SIGLECL1: variants seen among roughly 807,000 people sequenced by gnomAD.
SIGLECL1 encodes SIGLEC family like 1.
In SIGLECL1, 16 loss-of-function variants were observed where a neutral mutation model predicts 19.1. The observed-to-expected ratio is 0.84, with a 90% CI of 0.57 to 1.27. SIGLECL1 has a LOEUF of 1.27. Among genes scored for constraint, SIGLECL1 ranks in the 50% most tolerant of loss-of-function variants. The probability of loss-of-function intolerance (pLI) is 0.00; values close to 1 mark genes in which losing one functional copy is unlikely to be tolerated. For synonymous variants in SIGLECL1, 89 were observed against 90.4 expected, an observed-to-expected ratio of 0.98 and a Z score of 0.09; for missense variants, 210 against 239.4, an observed-to-expected ratio of 0.88 and a Z score of 0.81.
At chr19:51,246,715 G>A (rs941090423), upstream of SIGLECL1, among the ~76,000 whole-genome samples, 1 of 151,990 alleles carries the variant, frequency 6.6e-6, no homozygotes, top group Admixed American at 6.6e-5. Flanking sequence ...TTCTTAACAG[G>A]ACCCGTTTAG....
upstream of SIGLECL1, among the ~76,000 whole-genome samples, chr19:51,249,795 T>G (rs118031234): frequency 6.6e-6 from 1 of 152,158 alleles, no homozygotes; most frequent in African/African-American, 2.4e-5. Flanking sequence ...GGCTATTCCA[T>G]AGAGTAACGT....
chr19:51,255,637 A>G (rs553799802), intron 1 of SIGLECL1, among the ~76,000 whole-genome samples: 1 of 152,228 alleles, frequency 6.6e-6, no homozygotes, highest in Non-Finnish European at 1.5e-5. Flanking sequence ...GGACCTGAAT[A>G]GGCATTTCAT....
intron 1 of SIGLECL1, among the ~76,000 whole-genome samples, chr19:51,252,245 C>CGT (rs1982535511): frequency 6.7e-6 from 1 of 149,604 alleles, no homozygotes; most frequent in Admixed American, 6.7e-5. Flanking sequence ...TGCAGTGAGC[C>CGT]AAGATCGTGC....
At chr19:51,261,088 C>A (rs1218738237) in intron 1 of SIGLECL1, among the ~76,000 whole-genome samples, 1 of 152,008 alleles carries the variant, frequency 6.6e-6, no homozygotes, top group Non-Finnish European at 1.5e-5. Context: ...TATTTTTGGA[C>A]TATGTTAGTA....
At chr19:51,254,797 A>G (rs1414219738) in intron 1 of SIGLECL1, among the ~76,000 whole-genome samples, 2 of 152,192 alleles carry the variant, frequency 1.3e-5, no homozygotes, top group East Asian at 1.9e-4. Context: ...AATTTATGGT[A>G]TATGAATTAT....
In SIGLECL1 at chr19:51,267,342, G is replaced by C. The variant is rs200295829; in HGVS notation, c.411-31G>C. The C allele has an allele frequency of 8.7e-6, 14 of 1,602,060 alleles. No homozygotes were observed. In the Admixed American group the frequency reaches 1.9e-4, roughly 21 times the overall value. ...ATTTGGGGATTCAGGGAGATGGAGA[G>C]CCAGAACCAATCCAAGGCTTATTTC... On this transcript the variant is annotated intron_variant, in intron 4 of 5. Coordinates refer to ENST00000601727, the MANE Select transcript of SIGLECL1 (RefSeq NM_001385465.1).
upstream of SIGLECL1, among the ~76,000 whole-genome samples, chr19:51,248,801 A>G (rs1982346688): frequency 6.6e-6 from 1 of 152,210 alleles, no homozygotes; most frequent in African/African-American, 2.4e-5. Context: ...TTAGAGGTCA[A>G]CTTGCAGTTT....
chr19:51,265,218 A>G lies in SIGLECL1; in HGVS notation c.23-150A>G, dbSNP rs1316543901. On this transcript the variant is annotated intron_variant, in intron 2 of 5. Coordinates refer to ENST00000601727, the MANE Select transcript of SIGLECL1 (RefSeq NM_001385465.1). ...AGATGAGGACAGAAGATAGAGGGGA[A>G]CTGGTCTGGGAGGCCTGAATCCTGT... 6.4e-6 allele frequency: 5 copies of G among 778,942 alleles called. No homozygotes were observed. In the African/African-American group the frequency reaches 8.7e-5, roughly 14 times the overall value. The allele number at this position is 778,942 out of a possible 1,614,324, so 48.3% of individuals were successfully genotyped here.
At chr19:51,249,126 G>A (rs1167228997), upstream of SIGLECL1, among the ~76,000 whole-genome samples, 1 of 152,090 alleles carries the variant, frequency 6.6e-6, no homozygotes, top group East Asian at 1.9e-4. Context: ...TAGGGTCTGG[G>A]GACCCAAGGG....
upstream of SIGLECL1, among the ~76,000 whole-genome samples, chr19:51,250,701 A>G (rs1008179271): frequency 1.3e-5 from 2 of 152,214 alleles, no homozygotes; most frequent in Non-Finnish European, 2.9e-5. Flanking sequence ...CACGGGCTGG[A>G]AAGGCCTTGC....
intron 5 of SIGLECL1, 52 bp from the exon 6 acceptor site, chr19:51,268,519 G>T: frequency 1.9e-6 from 3 of 1,602,346 alleles, no homozygotes; most frequent in Non-Finnish European, 1.7e-6. Flanking sequence ...CTCACCTCTA[G>T]ACCTGTTCCA....
intron 1 of SIGLECL1, among the ~76,000 whole-genome samples, chr19:51,256,986 T>TTA (rs1384341094): frequency 1.3e-5 from 2 of 152,144 alleles, no homozygotes; most frequent in African/African-American, 4.8e-5. Context: ...TATTTACATA[T>TTA]TATATATATA....
At chr19:51,267,306 A>C (rs1983751706) in intron 4 of SIGLECL1, 67 bp from the exon 5 acceptor site, 4 of 1,573,984 alleles carry the variant, frequency 2.5e-6, no homozygotes, top group Non-Finnish European at 3.4e-6. Flanking sequence ...GTTCTGGTCA[A>C]GATAGAGCCC....
intron 1 of SIGLECL1, among the ~76,000 whole-genome samples, chr19:51,260,476 T>A (rs1216718600): frequency 1.3e-5 from 2 of 152,234 alleles, no homozygotes; most frequent in African/African-American, 2.4e-5. Context: ...TTTAAAATTC[T>A]CTGTTTACTG....
At chr19:51,267,059 G>A (rs903239994) in intron 4 of SIGLECL1, among the ~76,000 whole-genome samples, 1 of 152,128 alleles carries the variant, frequency 6.6e-6, no homozygotes, top group Non-Finnish European at 1.5e-5. Flanking sequence ...TGAGGAGTGA[G>A]GTGTCAGGGC....
intron 1 of SIGLECL1, chr19:51,257,994 T>C (rs1352635120): frequency 6.6e-6 from 1 of 152,270 alleles, no homozygotes; most frequent in Non-Finnish European, 1.5e-5. Flanking sequence ...AGGGAGAGGA[T>C]AACTAGAAGC....
At chr19:51,253,660 T>C (rs1458582452) in intron 1 of SIGLECL1, among the ~76,000 whole-genome samples, 1 of 152,230 alleles carries the variant, frequency 6.6e-6, no homozygotes, top group Non-Finnish European at 1.5e-5. Context: ...CAGGGCTAGC[T>C]GATTTATTCT....
At chr19:51,254,603 T>C (rs1399186854) in intron 1 of SIGLECL1, among the ~76,000 whole-genome samples, 1 of 151,946 alleles carries the variant, frequency 6.6e-6, no homozygotes, top group African/African-American at 2.4e-5. Context: ...TTACGGAAAA[T>C]AGATTAGTGG....
At position 51,269,158 on chromosome 19, in the gene SIGLECL1, GA is replaced by G. The variant is rs1568447742; in HGVS notation, c.*562del. 6.5e-6 allele frequency: 1 copy of G among 153,222 alleles called. No individual in the cohort carries two copies. Among genetic ancestry groups the G allele is most frequent in the East Asian group, 1.9e-4 (1 of 5,194 alleles). The allele number at this position is 153,222 out of a possible 1,614,324, so 9.5% of individuals were successfully genotyped here. A position where few individuals can be genotyped will look rare whatever the true frequency, so the allele number is the denominator to read the frequency against. On this transcript the variant is annotated 3_prime_UTR_variant, in exon 6 of 6. Transcript: ENST00000601727. Reference sequence around the variant, plus strand: ...AGATGCAGGTGAGAAAAAACATGACGATGGGCCCTGAATGCCAAGATTCATT... The same window carrying G: ...AGATGCAGGTGAGAAAAAACATGACGTGGGCCCTGAATGCCAAGATTCATT...
Sources: allele counts gnomAD v4.1 joint callset (sites outside exome capture counted in the v4.1 genomes callset), GRCh38; gene constraint gnomAD v4.1.1; transcripts MANE v1.5; gene names NCBI Gene and HGNC (gene_info 2026-07-23, HGNC 2026-07-21).